HGD: variants seen among roughly 807,000 people sequenced by gnomAD.
The protein encoded by HGD is homogentisate oxidase.
Under a neutral mutation model 60.8 loss-of-function variants are expected in HGD, and 61 were observed. The ratio of observed to expected loss-of-function variants is 1.00; its 90% confidence interval spans 0.82 to 1.24. The LOEUF (loss-of-function observed/expected upper bound fraction) is 1.24. HGD is among the 50% of genes most tolerant of loss of function. The pLI, the probability that HGD is intolerant of heterozygous loss-of-function variation, is 0.00. For missense variants in HGD, 542 were observed against 547.1 expected, an observed-to-expected ratio of 0.99 and a Z score of 0.09; for synonymous variants, 212 against 187.7, an observed-to-expected ratio of 1.13 and a Z score of -1.06.
chr3:120,628,446 G>A lies in HGD; in HGVS notation c.1272C>T (p.His424=). Reference sequence around the variant, plus strand: ...GGCTCTTGAGTGGCTCCCAGCACTTGTGGTAGTTCTCATCCAAACACCTGG... The same window carrying A: ...GGCTCTTGAGTGGCTCCCAGCACTTATGGTAGTTCTCATCCAAACACCTGG... ...KASRCLDENY[H]KCWEPLKSHF... is the part of the protein sequence containing the mutation. Residue 424 remains histidine, a synonymous_variant, in exon 14 of 14, where the codon CAC becomes CAT. Coordinates refer to ENST00000283871, the MANE Select transcript of HGD (RefSeq NM_000187.4). 6.2e-7 allele frequency: 1 copy of A among 1,614,064 alleles called. No homozygotes were observed. Among genetic ancestry groups the A allele is most frequent in the South Asian group, 1.1e-5 (1 of 91,078 alleles).
chr3:120,678,480 C>T lies in HGD; in HGVS notation c.16-2617G>A, dbSNP rs1708173991. 2.0e-5 allele frequency among the ~76,000 whole-genome samples: 3 copies of T among 152,274 alleles called. No homozygotes were observed. The South Asian group carries it at 6.2e-4, about 32-fold the overall frequency. ...TGGTGGAGTTACTCATTAACCTTCC[C>T]CATTCTTTGTAACTGGTGGCCTTAG... On this transcript the variant is annotated intron_variant, in intron 1 of 13. Coordinates refer to ENST00000283871, the MANE Select transcript of HGD (RefSeq NM_000187.4).
intron 1 of HGD, 58 bp downstream of exon 1, chr3:120,682,039 A>C: frequency 6.5e-7 from 1 of 1,538,890 alleles, no homozygotes; most frequent in Non-Finnish European, 9.0e-7. Flanking sequence ...AAGTTCTCAG[A>C]AACTTCCATA....
At chr3:120,636,280 C>CAA (rs371412566) in intron 12 of HGD, among the ~76,000 whole-genome samples, 18 of 117,116 alleles carry the variant, frequency 1.5e-4, no homozygotes, top group South Asian at 5.5e-4. Flanking sequence ...GACCCTGTCT[C>CAA]AAAAAAAAAA....
intron 12 of HGD, 168 bp from the exon 13 acceptor site, chr3:120,633,496 C>A: frequency 1.3e-6 from 2 of 1,523,798 alleles, no homozygotes. Context: ...ATAAAACATT[C>A]ATATTGGCAT....
At chr3:120,638,430 G>C (rs1307097428) in intron 12 of HGD, 25 bp downstream of exon 12, 1 of 1,613,502 alleles carries the variant, frequency 6.2e-7, no homozygotes, top group Non-Finnish European at 8.5e-7. Flanking sequence ...GCTTGCAAAT[G>C]TGGCTTGGTA....
At position 120,658,679 on chromosome 3, in the gene HGD, C is replaced by T. The variant is rs551227487; in HGVS notation, c.283-6028G>A. Among the ~76,000 whole-genome samples, 8 of 152,366 alleles carry T rather than the reference C, an allele frequency of 5.3e-5. No individual in the cohort carries two copies. The East Asian group carries it at 1.5e-3, about 29-fold the overall frequency. ...GTGTGGGAGCTCCAACCCCACATTT[C>T]CCCTCCATACTGCCCTAGTAGAGGT... is the stretch of plus-strand genomic sequence containing the variant. On this transcript the variant is annotated intron_variant, in intron 4 of 13. Coordinates refer to ENST00000283871, the MANE Select transcript of HGD (RefSeq NM_000187.4).
chr3:120,631,399 G>A (rs140354298), intron 13 of HGD, among the ~76,000 whole-genome samples: 2,240 of 152,142 alleles, frequency 0.015, 21 homozygotes, highest in Middle Eastern at 0.051. Flanking sequence ...TTGAGGTAAT[G>A]GATACCCCAT....
chr3:120,663,951 T>A (rs77904519), intron 4 of HGD, among the ~76,000 whole-genome samples: 1 of 139,942 alleles, frequency 7.1e-6, no homozygotes, highest in African/African-American at 2.6e-5. Flanking sequence ...ATTTTTTTTT[T>A]AAAAGCACTA....
chr3:120,679,490 G>A (rs371150806), intron 1 of HGD, among the ~76,000 whole-genome samples: 2 of 152,268 alleles, frequency 1.3e-5, no homozygotes, highest in South Asian at 2.1e-4. Context: ...TGAAAGATAT[G>A]TATGGCTTAA....
Position 120,647,876 on chromosome 3 carries a change from C to G in HGD, c.469+1G>C, listed in dbSNP as rs1260545974. On this transcript the variant is annotated splice_donor_variant, in intron 7 of 13. Coordinates refer to ENST00000283871, the MANE Select transcript of HGD (RefSeq NM_000187.4). LOFTEE classifies it high-confidence loss of function. Reference sequence around the variant, plus strand: ...GGGGGTCTGAAGTCTTCAGAACTCACCAATCAAGAAGTCCCCATCTGAATT... The same window carrying G: ...GGGGGTCTGAAGTCTTCAGAACTCAGCAATCAAGAAGTCCCCATCTGAATT... 6.2e-7 allele frequency: 1 copy of G among 1,611,126 alleles called. No individual in the cohort carries two copies. Among genetic ancestry groups the G allele is most frequent in the South Asian group, 1.1e-5 (1 of 91,040 alleles).
intron 12 of HGD, among the ~76,000 whole-genome samples, chr3:120,638,197 G>A (rs1186191493): frequency 6.6e-6 from 1 of 152,252 alleles, no homozygotes; most frequent in East Asian, 1.9e-4. Flanking sequence ...ATAACCACGA[G>A]CCAAATGAAC....
intron 4 of HGD, among the ~76,000 whole-genome samples, chr3:120,660,353 G>T (rs1162790251): frequency 6.6e-6 from 1 of 152,202 alleles, no homozygotes; most frequent in African/African-American, 2.4e-5. Context: ...AGATAGGAAG[G>T]ATTAAAATAA....
chr3:120,656,843 T>C (rs970956209), intron 4 of HGD, among the ~76,000 whole-genome samples: 5 of 152,226 alleles, frequency 3.3e-5, no homozygotes, highest in African/African-American at 1.2e-4. Flanking sequence ...TGAGCCACTG[T>C]GCCTGGACCG....
rs965643418 is a variant in HGD, at chr3:120,678,479, C to T, written c.16-2616G>A. Among the ~76,000 whole-genome samples the T allele has an allele frequency of 1.3e-5, 2 of 152,274 alleles. 1 individual carries two copies. Among genetic ancestry groups the T allele is most frequent in the South Asian group, 4.2e-4 (2 of 4,818 alleles). ...CTGGTGGAGTTACTCATTAACCTTC[C>T]CCATTCTTTGTAACTGGTGGCCTTA... On this transcript the variant is annotated intron_variant, in intron 1 of 13. Transcript: ENST00000283871.
At chr3:120,661,532 T>G (rs1707767335) in intron 4 of HGD, among the ~76,000 whole-genome samples, 1 of 152,156 alleles carries the variant, frequency 6.6e-6, no homozygotes, top group Admixed American at 6.5e-5. Context: ...AACAAGGAAG[T>G]GGATCAGTGC....
intron 12 of HGD, among the ~76,000 whole-genome samples, chr3:120,635,499 A>AATC (rs1940740666): frequency 7.0e-6 from 1 of 142,070 alleles, no homozygotes; most frequent in African/African-American, 2.6e-5. Context: ...AAAAAAAAAA[A>AATC]GCTGAATCTA....
intron 4 of HGD, among the ~76,000 whole-genome samples, chr3:120,662,145 T>C (rs865890232): frequency 2.0e-4 from 31 of 152,212 alleles, no homozygotes; most frequent in Middle Eastern, 3.4e-3. Flanking sequence ...TGAAAGGCTG[T>C]GATAGTGAAT....
chr3:120,682,227 A>G lies in HGD; in HGVS notation c.-116T>C. 7 of 955,748 alleles carry G rather than the reference A, an allele frequency of 7.3e-6. No individual in the cohort carries two copies. The highest frequency in any genetic ancestry group is 1.2e-5 in the Non-Finnish European group (7 of 583,276). 59.2% of individuals were successfully genotyped at this position (955,748 alleles called of 1,614,324 possible). ...TGGATATTCCGGTTCCCACTGCTTC[A>G]CTGCGCTTCACTGGTCAGTGCGTCA... On this transcript the variant is annotated 5_prime_UTR_variant, in exon 1 of 14. Coordinates refer to ENST00000283871, the MANE Select transcript of HGD (RefSeq NM_000187.4).
At chr3:120,643,426 G>A (rs556515285) in intron 10 of HGD, among the ~76,000 whole-genome samples, 13 of 152,216 alleles carry the variant, frequency 8.5e-5, no homozygotes, top group South Asian at 6.2e-4. Context: ...GCCCAGCCTA[G>A]GATCTGAATT....
Sources: gnomAD v4.1 joint callset for allele counts (sites outside exome capture counted in the v4.1 genomes callset) on GRCh38, gnomAD v4.1.1 for gene constraint, MANE v1.5 for transcripts, NCBI Gene and HGNC (gene_info 2026-07-23, HGNC 2026-07-21) for gene names.